The following KLHL20 variants were observed in gnomAD, a reference collection of about 807,000 sequenced individuals.
KLHL20 encodes the protein kelch like family member 20, also known as kelch-like protein 20.
A neutral mutation model predicts 69.5 loss-of-function variants in KLHL20; 29 were observed. The ratio of observed to expected loss-of-function variants is 0.42; its 90% CI spans 0.31 to 0.57. The LOEUF (loss-of-function observed/expected upper bound fraction) is 0.57, where lower values mean the gene tolerates loss of function less well. KLHL20 is among the 20% of genes least tolerant of loss of function. The pLI is 0.18. For missense variants in KLHL20, 419 were observed against 776.0 expected (o/e 0.54, Z 5.47); for synonymous variants, 253 against 265.2 (o/e 0.95, Z 0.45).
chr1:173,742,613 A>G (rs1019761395), intron 3 of KLHL20, among the ~76,000 whole-genome samples: 6 of 151,796 alleles, frequency 4.0e-5, no homozygotes, highest in Non-Finnish European at 1.5e-5. Context: ...ACGTATATAT[A>G]CGTGCAGATA....
intron 1 of KLHL20, chr1:173,715,769 G>A (rs538339650): frequency 1.6e-5 from 7 of 433,004 alleles, no homozygotes; most frequent in South Asian, 5.2e-5. Context: ...CTAACAGTCG[G>A]GACTATTTAG....
At chr1:173,759,665 G>A (rs1356375898) in intron 7 of KLHL20, among the ~76,000 whole-genome samples, 1 of 152,154 alleles carries the variant, frequency 6.6e-6, no homozygotes, top group Non-Finnish European at 1.5e-5. Flanking sequence ...ACATCCATAG[G>A]AAAAGAGAGA....
chr1:173,785,752 AAAAAAAAC>A lies in KLHL20; in HGVS notation c.*516_*523del, dbSNP rs1649169260. 1 of 151,784 alleles carries A rather than the reference AAAAAAAAC, an allele frequency of 6.6e-6. No homozygotes were observed. Among genetic ancestry groups the A allele is most frequent in the Non-Finnish European group, 1.5e-5 (1 of 67,828 alleles). 9.4% of individuals were successfully genotyped at this position (151,784 alleles called of 1,614,324 possible). A position where few individuals can be genotyped will look rare whatever the true frequency, so the allele number is the denominator to read the frequency against. On this transcript the variant is annotated 3_prime_UTR_variant, in exon 12 of 12. Transcript: ENST00000209884. ...ACCAGAAGACTTGAAAATCTTAAAAAAAAAAAACAAAAAAACAAGAAAAGGCAACATCT... is the reference window on the plus strand; with the variant it reads ...ACCAGAAGACTTGAAAATCTTAAAAAAAAAAAACAAGAAAAGGCAACATCT...
In KLHL20 at chr1:173,775,922, CTCT is replaced by C. The variant is rs1558223301; in HGVS notation, c.1638+83_1638+85del. The C allele has an allele frequency of 3.4e-6, 4 of 1,164,658 alleles. No individual in the cohort carries two copies. In the African/African-American group the frequency reaches 4.5e-5, roughly 13 times the overall value. 72.1% of individuals were successfully genotyped at this position (1,164,658 alleles called of 1,614,324 possible). The stretch of plus-strand genomic sequence containing the variant: ...GCAATAAACATGGGAGTGCAGATAT[CTCT>C]TCATTATACTGGTTTCCTTTCTTTG... On this transcript the variant is annotated intron_variant, in intron 10 of 11. Coordinates refer to ENST00000209884, the MANE Select transcript of KLHL20 (RefSeq NM_014458.4).
chr1:173,759,470 C>T (rs998391934), intron 7 of KLHL20, among the ~76,000 whole-genome samples: 9 of 152,134 alleles, frequency 5.9e-5, no homozygotes, highest in South Asian at 2.1e-4. Context: ...AGGATCCTCA[C>T]GGAGTCCATT....
At position 173,733,965 on chromosome 1, in the gene KLHL20, C is replaced by T; in HGVS notation, c.276C>T (p.Tyr92=). Residue 92 remains tyrosine (Y), a synonymous_variant, in exon 3 of 12, where the codon TAC becomes TAT. Coordinates refer to ENST00000209884, the MANE Select transcript of KLHL20 (RefSeq NM_014458.4). ...TCATTTTGTCAGCCTGTAGTCCCTA[C>T]TTCCGAGCTATGTTTACAGGAGAAT... ...HRVILSACSP[Y]FRAMFTGELA... is the part of the protein sequence containing the mutation. 6.2e-7 allele frequency: 1 copy of T among 1,614,198 alleles called. No individual in the cohort carries two copies. Among genetic ancestry groups the T allele is most frequent in the Non-Finnish European group, 8.5e-7 (1 of 1,180,036 alleles).
chr1:173,742,279 C>T (rs1672840277), intron 3 of KLHL20, among the ~76,000 whole-genome samples: 1 of 152,118 alleles, frequency 6.6e-6, no homozygotes, highest in South Asian at 2.1e-4. Flanking sequence ...TTAGTACAAC[C>T]CTTTTGAAAG....
intron 10 of KLHL20, among the ~76,000 whole-genome samples, chr1:173,777,607 G>T (rs530213124): frequency 6.6e-6 from 1 of 152,238 alleles, no homozygotes; most frequent in South Asian, 2.1e-4. Flanking sequence ...TTTTTTAAGG[G>T]TTTTTATCAT....
intron 2 of KLHL20, among the ~76,000 whole-genome samples, chr1:173,730,235 GA>G (rs1332249772): frequency 6.6e-6 from 1 of 152,064 alleles, no homozygotes; most frequent in Non-Finnish European, 1.5e-5. Flanking sequence ...CAAACAAATG[GA>G]AGAACATTCC....
chr1:173,734,056 A>G lies in KLHL20; in HGVS notation c.367A>G (p.Ile123Val), dbSNP rs1352358142. 1.2e-6 allele frequency: 2 copies of G among 1,614,008 alleles called. No individual in the cohort carries two copies. Among genetic ancestry groups the G allele is most frequent in the African/African-American group, 2.7e-5 (2 of 74,888 alleles). ...DIDERAMELL[I>V]DFAYTSQITV... ...TGACGAGAGGGCTATGGAATTACTG[A>G]TTGACTTTGCGTATACCTCCCAGAT... Residue 123 changes from isoleucine to valine, a missense_variant, in exon 3 of 12, where the codon ATT becomes GTT. Physicochemically the swap from Ile to Val is conservative, Grantham distance 29. This residue lies in a region of KLHL20 where 129 missense variants were observed against 183.6 expected (regional missense o/e 0.70). Transcript: ENST00000209884.
At chr1:173,739,917 A>C (rs1275327393) in intron 3 of KLHL20, among the ~76,000 whole-genome samples, 1 of 152,156 alleles carries the variant, frequency 6.6e-6, no homozygotes, top group African/African-American at 2.4e-5. Context: ...TTGGGATTAC[A>C]GGCGTGAGCC....
intron 9 of KLHL20, 150 bp downstream of exon 9, chr1:173,774,588 T>A (rs1648330488): frequency 1.4e-6 from 1 of 731,116 alleles, no homozygotes; most frequent in Non-Finnish European, 2.2e-6. Context: ...AGCTCTCAGC[T>A]CTTCCTCAGC....
chr1:173,771,926 A>G (rs553172889), intron 8 of KLHL20, among the ~76,000 whole-genome samples: 1 of 152,374 alleles, frequency 6.6e-6, no homozygotes, highest in South Asian at 2.1e-4. Context: ...TAAATGTAGA[A>G]TAAAGGAAAT....
At chr1:173,751,715 A>G (rs1673322888) in intron 3 of KLHL20, 49 bp from the exon 4 acceptor site, 1 of 1,574,710 alleles carries the variant, frequency 6.4e-7, no homozygotes, top group African/African-American at 1.3e-5. Flanking sequence ...CACTGAGACA[A>G]TAAATGTGAT....
chr1:173,755,853 TA>T, intron 5 of KLHL20, 69 bp from the exon 6 acceptor site: 2 of 1,027,882 alleles, frequency 1.9e-6, no homozygotes, highest in Non-Finnish European at 3.0e-6. Context: ...TATATATTCC[TA>T]AACTACATTG....
At chr1:173,736,996 CAT>C (rs1488710464) in intron 3 of KLHL20, among the ~76,000 whole-genome samples, 1 of 152,122 alleles carries the variant, frequency 6.6e-6, no homozygotes, top group South Asian at 2.1e-4. Context: ...AGCATTTTTT[CAT>C]ATGTTTGTTG....
intron 2 of KLHL20, among the ~76,000 whole-genome samples, chr1:173,729,892 TAAAG>T (rs1672174644): frequency 6.6e-6 from 1 of 152,206 alleles, no homozygotes; most frequent in African/African-American, 2.4e-5. Context: ...GAGAAGGAAA[TAAAG>T]AATATTCAGT....
chr1:173,732,064 G>A (rs1199463208), intron 2 of KLHL20, among the ~76,000 whole-genome samples: 5 of 152,044 alleles, frequency 3.3e-5, no homozygotes, highest in Non-Finnish European at 7.4e-5. Flanking sequence ...AGACATGGTG[G>A]CACATGCCTG....
At chr1:173,724,473 T>TA (rs1671860107) in intron 2 of KLHL20, among the ~76,000 whole-genome samples, 1 of 152,246 alleles carries the variant, frequency 6.6e-6, no homozygotes, top group Non-Finnish European at 1.5e-5. Flanking sequence ...AAATATTTGT[T>TA]AAAAGAATAA....
Sources: gnomAD v4.1 joint callset for allele counts (sites outside exome capture counted in the v4.1 genomes callset) on GRCh38, gnomAD v4.1.1 for gene constraint, gnomAD v4.1.1 regional missense constraint, MANE v1.5 for transcripts, NCBI Gene and HGNC (gene_info 2026-07-23, HGNC 2026-07-21) for gene names.